CDKL5: variants seen among roughly 807,000 people sequenced by gnomAD.
The protein encoded by CDKL5 is cyclin-dependent kinase-like 5.
A neutral mutation model predicts 61.7 loss-of-function variants in CDKL5; 8 were observed. That is an observed-to-expected ratio of 0.13 (90% CI 0.08 to 0.23). The LOEUF (loss-of-function observed/expected upper bound fraction) is 0.23, where lower values mean the gene tolerates loss of function less well. CDKL5 is among the 10% of genes least tolerant of loss of function. The pLI is 1.00. For missense variants in CDKL5, 440 were observed against 734.5 expected, an observed-to-expected ratio of 0.60 and a Z score of 4.63; for synonymous variants, 275 against 272.3, an observed-to-expected ratio of 1.01 and a Z score of -0.10.
At chrX:18,454,105 T>C (rs1331587698) in intron 1 of CDKL5, among the ~76,000 whole-genome samples, 1 of 111,924 alleles carries the variant, frequency 8.9e-6, no homozygotes, top group Admixed American at 9.6e-5. Flanking sequence ...CAGGGTGTTC[T>C]TGTAGGAGCT....
chrX:18,479,882 C>T (rs1277871227), intron 1 of CDKL5, among the ~76,000 whole-genome samples: 1 of 111,953 alleles, frequency 8.9e-6, no homozygotes, highest in African/African-American at 3.2e-5. Flanking sequence ...ATCTATTCAT[C>T]TCCTCTAGTG....
In CDKL5 at chrX:18,629,305, G is replaced by A; in HGVS notation, c.*548G>A. 1 of 655,095 alleles carries A rather than the reference G, an allele frequency of 1.5e-6. No homozygotes were observed. The highest frequency in any genetic ancestry group is 1.8e-6 in the Non-Finnish European group (1 of 549,421). 54.0% of individuals were successfully genotyped at this position (655,095 alleles called of 1,213,427 possible). A position where few individuals can be genotyped will look rare whatever the true frequency, so the allele number is the denominator to read the frequency against. On this transcript the variant is annotated 3_prime_UTR_variant, in exon 18 of 18. Transcript: ENST00000623535. Reference sequence around the variant, plus strand: ...GTAACATTTATTTATAATTAATATTGTACTGTTAAAATCATATCTTTTATG... The same window carrying A: ...GTAACATTTATTTATAATTAATATTATACTGTTAAAATCATATCTTTTATG...
intron 1 of CDKL5, among the ~76,000 whole-genome samples, chrX:18,441,099 C>T (rs1931730973): frequency 9.0e-6 from 1 of 111,123 alleles, no homozygotes; most frequent in South Asian, 3.8e-4. Flanking sequence ...CTTCTTTGTC[C>T]TTGGTCAGGT....
At chrX:18,548,785 G>A (rs776629564) in intron 3 of CDKL5, among the ~76,000 whole-genome samples, 2 of 111,920 alleles carry the variant, frequency 1.8e-5, no homozygotes, top group Admixed American at 9.5e-5. Context: ...TAGGTAGCCC[G>A]AAGATGTTAT....
At chrX:18,549,212 AT>A (rs1298279294) in intron 3 of CDKL5, among the ~76,000 whole-genome samples, 1 of 112,010 alleles carries the variant, frequency 8.9e-6, no homozygotes, top group African/African-American at 3.2e-5. Context: ...TAGCTATGCT[AT>A]TGTTAACTAC....
intron 1 of CDKL5, among the ~76,000 whole-genome samples, chrX:18,441,149 C>G: frequency 9.0e-6 from 1 of 111,400 alleles, no homozygotes; most frequent in Non-Finnish European, 1.9e-5. Context: ...GGCATGGTGG[C>G]TCACTCCTGT....
chrX:18,435,087 C>G (rs1178049378), intron 1 of CDKL5, among the ~76,000 whole-genome samples: 1 of 111,252 alleles, frequency 9.0e-6, no homozygotes, highest in East Asian at 2.8e-4. Context: ...CTTACTGACC[C>G]GGATTTACCT....
At chrX:18,601,381 TATCC>T (rs930180496) in intron 11 of CDKL5, among the ~76,000 whole-genome samples, 1 of 112,599 alleles carries the variant, frequency 8.9e-6, no homozygotes, top group Non-Finnish European at 1.9e-5. Flanking sequence ...AATCGTTATC[TATCC>T]ATCCATCCAT....
chrX:18,547,681 T>C (rs1924247142), intron 3 of CDKL5, among the ~76,000 whole-genome samples: 1 of 111,790 alleles, frequency 8.9e-6, no homozygotes, highest in Admixed American at 9.5e-5. Flanking sequence ...GTGGTGTACA[T>C]TGGTCATCAG....
At chrX:18,551,559 CATT>C (rs10659381) in intron 3 of CDKL5, among the ~76,000 whole-genome samples, 4,662 of 80,904 alleles carry the variant, frequency 0.058, 373 homozygotes, top group African/African-American at 0.19. Context: ...GATACCTTGA[CATT>C]ATTATTATTA....
intron 1 of CDKL5, among the ~76,000 whole-genome samples, chrX:18,504,230 C>G (rs1048546417): frequency 9.0e-6 from 1 of 111,063 alleles, no homozygotes; most frequent in African/African-American, 3.3e-5. Flanking sequence ...CTCAGCCTCC[C>G]ACAACCATGC....
chrX:18,469,065 G>A (rs758519590), intron 1 of CDKL5, among the ~76,000 whole-genome samples: 4 of 110,981 alleles, frequency 3.6e-5, no homozygotes, highest in Admixed American at 2.9e-4. Context: ...AGGGCTGGGC[G>A]TGGTGGCTAA....
At chrX:18,469,415 G>A (rs1412243789) in intron 1 of CDKL5, among the ~76,000 whole-genome samples, 3 of 105,828 alleles carry the variant, frequency 2.8e-5, no homozygotes, top group Non-Finnish European at 3.9e-5. Flanking sequence ...TTGGGAGGCC[G>A]AGGCGGGTGG....
intron 3 of CDKL5, among the ~76,000 whole-genome samples, chrX:18,546,223 T>C (rs1037964403): frequency 1.3e-4 from 14 of 111,026 alleles, no homozygotes; most frequent in African/African-American, 4.3e-4. Flanking sequence ...GTTTTTACTT[T>C]CTGCCATGTT....
intron 3 of CDKL5, among the ~76,000 whole-genome samples, chrX:18,526,031 G>A (rs773703381): frequency 2.7e-5 from 3 of 112,211 alleles, no homozygotes; most frequent in African/African-American, 3.2e-5. Context: ...ATAGGCGTGA[G>A]CCACCGCACC....
chrX:18,587,718 A>C lies in CDKL5; in HGVS notation c.555-236A>C, dbSNP rs1379339545. On this transcript the variant is annotated intron_variant, in intron 8 of 17. Transcript: ENST00000623535. ...TTAAGATACATATCTATTTATGTGAATAAATTTCAAATTAGTGTATACTAA... is the reference window on the plus strand; with the variant it reads ...TTAAGATACATATCTATTTATGTGACTAAATTTCAAATTAGTGTATACTAA... The C allele has an allele frequency of 1.2e-5, 5 of 408,560 alleles. No homozygotes were observed. The African/African-American group carries it at 1.3e-4, about 10-fold the overall frequency. 33.7% of individuals were successfully genotyped at this position (408,560 alleles called of 1,213,427 possible). A position where few individuals can be genotyped will look rare whatever the true frequency, so the allele number is the denominator to read the frequency against.
exon 22 of CDKL5, chrX:18,653,549 T>C: frequency 8.3e-7 from 1 of 1,210,710 alleles, no homozygotes; most frequent in South Asian, 1.8e-5. Context: ...AAGTGACTTC[T>C]GCAAGCCTGC....
intron 1 of CDKL5, among the ~76,000 whole-genome samples, chrX:18,505,452 T>TAA (rs1922546231): frequency 8.9e-6 from 1 of 112,771 alleles, no homozygotes; most frequent in South Asian, 3.6e-4. Context: ...GTCCAGGATG[T>TAA]AATCCAGGAT....
At chrX:18,495,315 G>T (rs767309466) in intron 1 of CDKL5, among the ~76,000 whole-genome samples, 2 of 112,484 alleles carry the variant, frequency 1.8e-5, no homozygotes, top group Non-Finnish European at 3.8e-5. Flanking sequence ...GGCCCAGGCA[G>T]CTCTTAAATT....
Sources: allele counts gnomAD v4.1 joint callset (sites outside exome capture counted in the v4.1 genomes callset), GRCh38; gene constraint gnomAD v4.1.1; transcripts MANE v1.5; gene names NCBI Gene and HGNC (gene_info 2026-07-23, HGNC 2026-07-21).